Variants in MEG3 observed in about 807,000 individuals in gnomAD.
MEG3 encodes the protein maternally expressed 3, also known as Very putative protein from MEG3 locus.
intron 2 of MEG3, among the ~76,000 whole-genome samples, chr14:100,838,344 G>A (rs536935707): frequency 2.6e-5 from 4 of 152,216 alleles, no homozygotes; most frequent in Admixed American, 1.3e-4. Flanking sequence ...TGAGTGTTTC[G>A]GTCTCAGGCA....
intron 1 of MEG3, chr14:100,827,431 AAC>A (rs890194391): frequency 6.6e-6 from 1 of 152,028 alleles, no homozygotes; most frequent in African/African-American, 2.4e-5. Context: ...CCCAAGAGGG[AAC>A]AGTTTTGAGA....
intron 2 of MEG3, among the ~76,000 whole-genome samples, chr14:100,844,542 G>A (rs12587062): frequency 0.19 from 29,555 of 152,026 alleles, 3,239 homozygotes; most frequent in Admixed American, 0.27. Context: ...CCCAGATCCC[G>A]TCCCCACCAT....
downstream of MEG3, chr14:100,833,789 A>C (rs1383233873): frequency 1.3e-5 from 2 of 152,190 alleles, no homozygotes; most frequent in African/African-American, 2.4e-5. Flanking sequence ...TTTAGGCTCC[A>C]GTCAGACCTT....
upstream of MEG3, chr14:100,855,816 G>C (rs1260014815): frequency 6.6e-6 from 1 of 152,262 alleles, no homozygotes; most frequent in Non-Finnish European, 1.5e-5. Context: ...AGATCCCTGA[G>C]TCAGGTCAGG....
chr14:100,840,047 G>A (rs947923608), intron 2 of MEG3, among the ~76,000 whole-genome samples: 4 of 152,194 alleles, frequency 2.6e-5, no homozygotes, highest in Admixed American at 6.5e-5. Context: ...GATCGTGGGC[G>A]GCCCGTGTAC....
chr14:100,842,770 A>G (rs535517870), intron 2 of MEG3, among the ~76,000 whole-genome samples: 1 of 152,342 alleles, frequency 6.6e-6, no homozygotes, highest in South Asian at 2.1e-4. Flanking sequence ...TTAAAATCCT[A>G]AGATGCAGAG....
chr14:100,860,899 G>T, exon 2 of MEG3: 1 of 350,008 alleles, frequency 2.9e-6, no homozygotes, highest in South Asian at 2.1e-5. Context: ...GTGTCTGCAT[G>T]TGGGAAGTGG....
At chr14:100,857,438 C>G (rs2038275708) in exon 1 of MEG3, 1 of 152,110 alleles carries the variant, frequency 6.6e-6, no homozygotes, top group African/African-American at 2.4e-5. Context: ...TGGGAATGGG[C>G]ATATGTTGGG....
At chr14:100,847,175 T>C (rs2037942623) in intron 3 of MEG3, 1 of 151,394 alleles carries the variant, frequency 6.6e-6, no homozygotes, top group Non-Finnish European at 1.5e-5. Flanking sequence ...GTTCAAAGAA[T>C]AGCAAAGAAA....
At chr14:100,848,361 T>C (rs897699877) in intron 3 of MEG3, 1 of 152,114 alleles carries the variant, frequency 6.6e-6, no homozygotes, top group African/African-American at 2.4e-5. Flanking sequence ...CAGATTACGA[T>C]GTATCCAGTT....
upstream of MEG3, chr14:100,855,437 A>G (rs1437584131): frequency 1.3e-5 from 2 of 152,058 alleles, no homozygotes; most frequent in Non-Finnish European, 2.9e-5. Context: ...CTTCTTCCCC[A>G]TGGTGCTTTC....
exon 2 of MEG3, chr14:100,860,864 G>T (rs1298383451): frequency 1.7e-5 from 6 of 359,818 alleles, no homozygotes; most frequent in African/African-American, 1.3e-4. Context: ...GAACCCTGAG[G>T]CCTAGGGGAG....
exon 1 of MEG3, chr14:100,858,145 A>G (rs1163320011): frequency 6.6e-6 from 1 of 152,484 alleles, no homozygotes; most frequent in Non-Finnish European, 1.5e-5. Context: ...TCCACCAAAT[A>G]AGGCCTCCTG....
exon 1 of MEG3, chr14:100,860,345 G>A (rs73349330): frequency 0.032 from 9,102 of 287,900 alleles, 497 homozygotes; most frequent in African/African-American, 0.14. Context: ...GCTGGGGATA[G>A]CATTTAGAGA....
chr14:100,845,601 G>A lies in MEG3; in HGVS notation n.3121+68G>A. ...CTGAGGGTGGGGCCAGCTGCCCGGAGCACACCGCCAGGCGGACCTCGTGGA... is the reference window on the plus strand; with the variant it reads ...CTGAGGGTGGGGCCAGCTGCCCGGAACACACCGCCAGGCGGACCTCGTGGA... On this transcript the variant is annotated intron_variant and non_coding_transcript_variant, in intron 3 of 3. Transcript: ENST00000398461. This position sits in a 1 kb window ranked among gnomAD's most constrained non-coding sequence, Gnocchi z 5.2. The A allele has an allele frequency of 4.6e-6, 2 of 435,820 alleles. No individual in the cohort carries two copies. The highest frequency in any genetic ancestry group is 3.3e-5 in the South Asian group (2 of 61,014). 27.0% of individuals were successfully genotyped at this position (435,820 alleles called of 1,614,324 possible).
rs551557384 is a variant in MEG3 at position 100,843,356 on chromosome 14, G to A, written n.3046-2102G>A. 7.9e-5 allele frequency among the ~76,000 whole-genome samples: 12 copies of A among 152,142 alleles called. No homozygotes were observed. In the East Asian group the frequency reaches 2.1e-3, roughly 27 times the overall value. ...CTGAGTCTCGTTGCCACCTTAGGAC[G>A]TGGCGATGGTGAGAGGCCACCCCAG... On this transcript the variant is annotated intron_variant and non_coding_transcript_variant, in intron 2 of 3. Transcript: ENST00000398461.
downstream of MEG3, chr14:100,833,715 C>A (rs2037464794): frequency 6.6e-6 from 1 of 152,122 alleles, no homozygotes; most frequent in Non-Finnish European, 1.5e-5. Context: ...CCTTATTTGT[C>A]CCAAGCTCTG....
exon 1 of MEG3, chr14:100,858,957 G>A (rs7141618): frequency 0.29 from 44,239 of 152,384 alleles, 6,840 homozygotes; most frequent in African/African-American, 0.38. Context: ...GGGGGGCTCT[G>A]TCAGGCACCT....
chr14:100,827,936 G>T (rs1595252335), intron 1 of MEG3, among the ~76,000 whole-genome samples: 1 of 152,192 alleles, frequency 6.6e-6, no homozygotes, highest in African/African-American at 2.4e-5. Flanking sequence ...GGGGCCTGGC[G>T]CAGGTCCGCT....
Sources: allele counts gnomAD v4.1 joint callset (sites outside exome capture counted in the v4.1 genomes callset), GRCh38; gene constraint gnomAD v4.1.1; non-coding constraint Gnocchi (gnomAD v3.1); transcripts MANE v1.5; gene names NCBI Gene and HGNC (gene_info 2026-07-23, HGNC 2026-07-21).